Variants in C2CD5 observed in about 807,000 individuals in gnomAD.
The protein encoded by C2CD5 is C2 calcium dependent domain containing 5, also known as C2 domain-containing protein 5.
C2CD5 carries 109 observed loss-of-function variants against 130.3 expected under a neutral mutation model. That is an observed-to-expected ratio of 0.84 (90% confidence interval 0.72 to 0.98). The LOEUF (loss-of-function observed/expected upper bound fraction) is 0.98. Among genes scored for constraint, C2CD5 ranks in the 50% least tolerant of loss-of-function variants. C2CD5 has a pLI of 0.00. For synonymous variants in C2CD5, 454 were observed against 429.2 expected (o/e 1.06, Z -0.71); for missense variants, 996 against 1,261.8 (o/e 0.79, Z 3.19).
At chr12:22,466,007 A>G (rs1438947477) in intron 22 of C2CD5, among the ~76,000 whole-genome samples, 1 of 152,088 alleles carries the variant, frequency 6.6e-6, no homozygotes, top group Non-Finnish European at 1.5e-5. Context: ...AAACGATGGA[A>G]AGAAAAAATT....
chr12:22,449,972 C>A, intron 26 of C2CD5, 81 bp from the exon 27 acceptor site: 1 of 1,136,398 alleles, frequency 8.8e-7, no homozygotes, highest in South Asian at 2.1e-5. Context: ...CAGTGCTGTA[C>A]AGCCAAAAAA....
chr12:22,535,488 G>A, intron 2 of C2CD5, 144 bp from the exon 3 acceptor site: 2 of 598,958 alleles, frequency 3.3e-6, no homozygotes, highest in Non-Finnish European at 6.0e-6. Flanking sequence ...AGAAGGTACA[G>A]ATGGATCCAG....
At chr12:22,520,046 G>A (rs1406942689) in intron 7 of C2CD5, among the ~76,000 whole-genome samples, 1 of 151,984 alleles carries the variant, frequency 6.6e-6, no homozygotes, top group Admixed American at 6.5e-5. Context: ...AGTTATACAA[G>A]TATATATTGA....
intron 10 of C2CD5, among the ~76,000 whole-genome samples, chr12:22,500,392 A>C: frequency 6.6e-6 from 1 of 152,204 alleles, no homozygotes; most frequent in East Asian, 1.9e-4. Context: ...TTTGAGAACC[A>C]CACTCAAAGT....
chr12:22,459,290 C>T (rs1940612275), intron 23 of C2CD5, among the ~76,000 whole-genome samples: 1 of 151,764 alleles, frequency 6.6e-6, no homozygotes, highest in Non-Finnish European at 1.5e-5. Context: ...AACTGGGAAA[C>T]CATTAACATA....
chr12:22,532,755 C>T (rs151165543), intron 3 of C2CD5, among the ~76,000 whole-genome samples: 122 of 152,302 alleles, frequency 8.0e-4, no homozygotes, highest in African/African-American at 2.6e-3. Flanking sequence ...CAATACTTTC[C>T]TTCCCTTGTT....
intron 3 of C2CD5, among the ~76,000 whole-genome samples, chr12:22,532,278 C>T (rs73265577): frequency 0.16 from 23,516 of 150,784 alleles, 3,705 homozygotes; most frequent in African/African-American, 0.41. Context: ...TGCAGTGAGC[C>T]AAGATCCCAC....
chr12:22,494,488 C>T (rs548960880), intron 10 of C2CD5, among the ~76,000 whole-genome samples: 27 of 152,110 alleles, frequency 1.8e-4, no homozygotes, highest in Middle Eastern at 6.8e-3. Flanking sequence ...GGTTAAGAGG[C>T]GTGTTATAGC....
At position 22,482,757 on chromosome 12, in the gene C2CD5, TAA is replaced by T; in HGVS notation, c.1551-16_1551-15del. The T allele has an allele frequency of 6.2e-7, 1 of 1,603,168 alleles. No individual in the cohort carries two copies. The highest frequency in any genetic ancestry group is 8.5e-7 in the Non-Finnish European group (1 of 1,171,028). On this transcript the variant is annotated splice_polypyrimidine_tract_variant and intron_variant, in intron 13 of 26. Coordinates refer to ENST00000446597, the MANE Select transcript of C2CD5 (RefSeq NM_001286176.2). ...AAGCGACATAACCTGTAAAGGAAAA[TAA>T]GTCAGTGAACAGTATTCTTGGTACC...
chr12:22,512,593 C>A, intron 9 of C2CD5: 1 of 1,195,894 alleles, frequency 8.4e-7, no homozygotes, highest in East Asian at 2.7e-5. Flanking sequence ...AAGATTAAAA[C>A]TAGAAAGCTA....
intron 26 of C2CD5, among the ~76,000 whole-genome samples, chr12:22,452,005 T>C (rs749522904): frequency 6.6e-6 from 1 of 152,196 alleles, no homozygotes; most frequent in African/African-American, 2.4e-5. Context: ...AACTGAGGCA[T>C]AGAGATAAGT....
chr12:22,480,102 C>G (rs1185184605), intron 14 of C2CD5, among the ~76,000 whole-genome samples: 1 of 152,154 alleles, frequency 6.6e-6, no homozygotes, highest in Non-Finnish European at 1.5e-5. Flanking sequence ...TAATATTCAA[C>G]CAGGGAACCC....
intron 2 of C2CD5, among the ~76,000 whole-genome samples, chr12:22,540,009 A>G (rs200590326): frequency 0.041 from 6,236 of 151,628 alleles, 163 homozygotes; most frequent in South Asian, 0.1. Context: ...AAAAAAAAAA[A>G]AGAGAAAAAA....
rs1410970035 is a variant in C2CD5 at position 22,484,678 on chromosome 12, G to A, written c.1550+19C>T. The A allele has an allele frequency of 2.8e-6, 4 of 1,436,508 alleles. No homozygotes were observed. The African/African-American group carries it at 4.3e-5, about 16-fold the overall frequency. 89.0% of individuals were successfully genotyped at this position (1,436,508 alleles called of 1,614,324 possible). On this transcript the variant is annotated intron_variant, in intron 13 of 26. Transcript: ENST00000446597. ...TCATACTTTTTCAGGGACACCGAGT[G>A]TTGTTTTCACAAACATACCTTGCTT...
chr12:22,519,148 A>G (rs1950040051), intron 7 of C2CD5: 1 of 1,535,616 alleles, frequency 6.5e-7, no homozygotes, highest in African/African-American at 1.4e-5. Flanking sequence ...GACACAGAGA[A>G]GTTCTGAGTA....
At chr12:22,484,046 T>C (rs1348269277) in intron 13 of C2CD5, among the ~76,000 whole-genome samples, 2 of 152,102 alleles carry the variant, frequency 1.3e-5, no homozygotes, top group Non-Finnish European at 2.9e-5. Flanking sequence ...TCCAAACCCA[T>C]GGCTCTCAAG....
chr12:22,513,231 G>T, intron 9 of C2CD5, 63 bp downstream of exon 9: 2 of 1,156,000 alleles, frequency 1.7e-6, no homozygotes, highest in Non-Finnish European at 2.6e-6. Context: ...CAAGTACATG[G>T]AAGCATAAGA....
At chr12:22,458,902 T>C (rs1460579937) in intron 23 of C2CD5, 2 of 185,016 alleles carry the variant, frequency 1.1e-5, no homozygotes, top group Non-Finnish European at 2.2e-5. Flanking sequence ...TAACTTTATT[T>C]CCTATTCTTC....
At chr12:22,507,607 A>G (rs779341029) in intron 9 of C2CD5, among the ~76,000 whole-genome samples, 2 of 152,208 alleles carry the variant, frequency 1.3e-5, no homozygotes, top group Non-Finnish European at 2.9e-5. Flanking sequence ...TCATTGAAAT[A>G]GGACCCAATA....
Sources: gnomAD v4.1 joint callset for allele counts (sites outside exome capture counted in the v4.1 genomes callset) on GRCh38, gnomAD v4.1.1 for gene constraint, MANE v1.5 for transcripts, NCBI Gene and HGNC (gene_info 2026-07-23, HGNC 2026-07-21) for gene names.